The following CCDC57 variants were observed in gnomAD, a reference collection of about 807,000 sequenced individuals.
The protein encoded by CCDC57 is coiled-coil domain-containing protein 57.
CCDC57 carries 118 observed loss-of-function variants against 118.9 expected under a neutral mutation model. The observed-to-expected ratio is 0.99, with a 90% CI of 0.86 to 1.16. CCDC57 has a LOEUF of 1.16. CCDC57 is among the 50% of genes most tolerant of loss of function. The pLI is 0.00. For synonymous variants in CCDC57, 527 were observed against 532.9 expected, an observed-to-expected ratio of 0.99 and a Z score of 0.15; for missense variants, 1,300 against 1,320.7, an observed-to-expected ratio of 0.98 and a Z score of 0.24.
At chr17:82,101,603 CCA>C in exon 20 of CCDC57, 1 of 1,248,866 alleles carries the variant, frequency 8.0e-7, no homozygotes. Flanking sequence ...CCACACCCCC[CCA>C]CAACACGTAG....
rs181599102 is a variant in CCDC57 at position 82,130,906 on chromosome 17, G to A, written c.2578-2309C>T. On this transcript the variant is annotated intron_variant, in intron 17 of 19. Coordinates refer to ENST00000665763, the Ensembl canonical transcript of CCDC57. ...AGCTCACTGCAACCTCTGCCTCCTA[G>A]GTTCAAGTGATTCTCCTGGCTCAGC... 1.8e-3 allele frequency among the ~76,000 whole-genome samples: 264 copies of A among 150,238 alleles called. 1 individual carries two copies. Among genetic ancestry groups the A allele is most frequent in the African/African-American group, 6.2e-3 (255 of 40,886 alleles).
At chr17:82,158,429 T>C (rs1168017678) in intron 14 of CCDC57, among the ~76,000 whole-genome samples, 1 of 152,124 alleles carries the variant, frequency 6.6e-6, no homozygotes, top group Non-Finnish European at 1.5e-5. Flanking sequence ...GGCTCACGCC[T>C]ATAATCCCAG....
At chr17:82,107,697 C>T in intron 19 of CCDC57, 1 of 432,960 alleles carries the variant, frequency 2.3e-6, no homozygotes, top group Admixed American at 2.4e-5. Flanking sequence ...ACTGCCCGCT[C>T]CCCTGGCAAC....
At chr17:82,198,752 AG>A (rs2146845761) in intron 3 of CCDC57, among the ~76,000 whole-genome samples, 1 of 152,182 alleles carries the variant, frequency 6.6e-6, no homozygotes, top group Non-Finnish European at 1.5e-5. Context: ...GCACTTTGGG[AG>A]GCCGAGGTGG....
Position 82,201,642 on chromosome 17 carries a change from C to G in CCDC57, c.303G>C (p.Lys101Asn), listed in dbSNP as rs774481460. 6 of 1,613,918 alleles carry G rather than the reference C, an allele frequency of 3.7e-6. No homozygotes were observed. In the South Asian group the frequency reaches 6.6e-5, roughly 18 times the overall value. ...CCTCTCTGGCTAGCGCCTGCCTCAG[C>G]TTAGCTGCCTCTATCTTGAGCTCGC... Residue 101 changes from lysine (K) to asparagine (N), a missense_variant, in exon 3 of 20, where the codon AAG (lysine) becomes AAC (asparagine). Physicochemically the swap from Lys to Asn is moderately conservative, Grantham distance 94. Coordinates refer to ENST00000665763, the Ensembl canonical transcript of CCDC57.
chr17:82,163,037 T>A (rs547841052), intron 14 of CCDC57, among the ~76,000 whole-genome samples, 163 bp downstream of exon 13: 1 of 152,270 alleles, frequency 6.6e-6, no homozygotes, highest in Admixed American at 6.5e-5. Context: ...AACCGGTTCC[T>A]AGGACCTCCC....
At chr17:82,202,533 T>C (rs2049122422) in intron 2 of CCDC57, among the ~76,000 whole-genome samples, 1 of 151,926 alleles carries the variant, frequency 6.6e-6, no homozygotes, top group Non-Finnish European at 1.5e-5. Context: ...GTGGGTCACC[T>C]GAGGTCAGGA....
intron 14 of CCDC57, among the ~76,000 whole-genome samples, 169 bp from the exon 14 acceptor site, chr17:82,158,117 A>G (rs2042893486): frequency 6.6e-6 from 1 of 152,014 alleles, no homozygotes; most frequent in African/African-American, 2.4e-5. Flanking sequence ...GCCCCCAACC[A>G]CGGCCACTGC....
chr17:82,119,689 G>T (rs1011361932), intron 19 of CCDC57, among the ~76,000 whole-genome samples: 20 of 151,930 alleles, frequency 1.3e-4, no homozygotes, highest in African/African-American at 4.8e-4. Flanking sequence ...GGTGCACAGG[G>T]GTTGGGGGGC....
chr17:82,135,979 C>T (rs570656398), intron 16 of CCDC57, among the ~76,000 whole-genome samples: 2 of 152,060 alleles, frequency 1.3e-5, no homozygotes, highest in Non-Finnish European at 2.9e-5. Context: ...AAAAAAACCC[C>T]GACAGAAAAT....
chr17:82,132,118 C>CAAAAAAAAAAAAAAAAA (rs58856013), intron 17 of CCDC57, among the ~76,000 whole-genome samples: 1 of 101,922 alleles, frequency 9.8e-6, no homozygotes, highest in African/African-American at 3.6e-5. Context: ...GACTCTGTCT[C>CAAAAAAAAAAAAAAAAA]AAAAAAAAAA....
At chr17:82,209,461 G>A (rs992472382) in intron 1 of CCDC57, among the ~76,000 whole-genome samples, 3 of 152,142 alleles carry the variant, frequency 2.0e-5, no homozygotes, top group African/African-American at 7.2e-5. Context: ...TGCGTAACTT[G>A]TAATAAACTC....
chr17:82,198,430 A>G lies in CCDC57; in HGVS notation c.408-8T>C, dbSNP rs376115745. ...ATCTCACCATTCTTGTCACTATGGT[A>G]ATAAAACAGCATTAAGAAAAGCCAT... On this transcript the variant is annotated splice_polypyrimidine_tract_variant and splice_region_variant and intron_variant, in intron 3 of 19. Coordinates refer to ENST00000665763, the Ensembl canonical transcript of CCDC57. 9.5e-5 allele frequency: 147 copies of G among 1,547,712 alleles called. No homozygotes were observed. The African/African-American group carries it at 1.9e-3, about 20-fold the overall frequency.
chr17:82,120,400 A>G (rs576799972), intron 19 of CCDC57, among the ~76,000 whole-genome samples: 1 of 152,152 alleles, frequency 6.6e-6, no homozygotes, highest in East Asian at 1.9e-4. Flanking sequence ...CGTTTCTAGA[A>G]TGGAGCTTTC....
At position 82,126,463 on chromosome 17, in the gene CCDC57, A is replaced by T. The variant is rs1205104267; in HGVS notation, c.2899+1229T>A. The T allele has an allele frequency of 4.1e-6, 4 of 976,818 alleles. No homozygotes were observed. In the African/African-American group the frequency reaches 7.0e-5, roughly 17 times the overall value. 60.5% of individuals were successfully genotyped at this position (976,818 alleles called of 1,614,324 possible). On this transcript the variant is annotated intron_variant, in intron 19 of 19. Coordinates refer to ENST00000665763, the Ensembl canonical transcript of CCDC57. ...TCTATCACATATAATGAGCTGCTACAAATCAATAAGAAAGACCACAATCTA... is the reference window on the plus strand; with the variant it reads ...TCTATCACATATAATGAGCTGCTACTAATCAATAAGAAAGACCACAATCTA...
chr17:82,121,934 C>T (rs1048620420), intron 19 of CCDC57, among the ~76,000 whole-genome samples: 8 of 152,308 alleles, frequency 5.3e-5, no homozygotes, highest in East Asian at 1.9e-4. Flanking sequence ...CACACCAGCC[C>T]GCCTTCCCTC....
intron 17 of CCDC57, among the ~76,000 whole-genome samples, chr17:82,131,782 TA>T (rs2038407470): frequency 6.6e-6 from 1 of 150,394 alleles, no homozygotes. Context: ...TAAAAAGAAA[TA>T]AAAAAGGAAA....
At chr17:82,163,394 A>C in intron 13 of CCDC57, 37 bp from the exon 13 acceptor site, 1 of 1,606,412 alleles carries the variant, frequency 6.2e-7, no homozygotes, top group Non-Finnish European at 8.5e-7. Flanking sequence ...CTCATACCTG[A>C]GAACAAAGGA....
chr17:82,184,074 C>G (rs943674091), intron 8 of CCDC57, 142 bp from the exon 8 acceptor site: 36 of 595,878 alleles, frequency 6.0e-5, no homozygotes, highest in African/African-American at 1.7e-4. Flanking sequence ...CACACACACA[C>G]ACACACACAG....
Sources: allele counts gnomAD v4.1 joint callset (sites outside exome capture counted in the v4.1 genomes callset), GRCh38; gene constraint gnomAD v4.1.1; transcripts MANE v1.5; gene names NCBI Gene and HGNC (gene_info 2026-07-23, HGNC 2026-07-21).